Variants in DGCR2 observed in about 807,000 individuals in gnomAD.
DGCR2 encodes the protein DiGeorge syndrome critical region gene 2.
Under a neutral mutation model 51.6 loss-of-function variants are expected in DGCR2, and 24 were observed. The observed-to-expected ratio is 0.47, with a 90% confidence interval of 0.34 to 0.65. DGCR2 has a LOEUF of 0.65. Ranked by LOEUF, DGCR2 falls within the 30% of genes least tolerant of loss-of-function variation. The pLI, the probability that DGCR2 is intolerant of heterozygous loss-of-function variation, is 0.01. For missense variants in DGCR2, 765 were observed against 772.1 expected (o/e 0.99, Z 0.11); for synonymous variants, 340 against 315.4 (o/e 1.08, Z -0.82).
chr22:19,111,730 G>A (rs751416507), intron 1 of DGCR2, among the ~76,000 whole-genome samples: 1 of 152,168 alleles, frequency 6.6e-6, no homozygotes, highest in African/African-American at 2.4e-5. Flanking sequence ...ATCGGATGGA[G>A]AGGAAACACA....
At chr22:19,056,451 T>C in intron 6 of DGCR2, 1 of 541,440 alleles carries the variant, frequency 1.8e-6, no homozygotes, top group South Asian at 2.0e-5. Flanking sequence ...AGCGCCATCC[T>C]GCGAAGCCAG....
At chr22:19,112,196 C>A (rs902057472) in intron 1 of DGCR2, among the ~76,000 whole-genome samples, 1 of 151,518 alleles carries the variant, frequency 6.6e-6, no homozygotes, top group Admixed American at 6.6e-5. Flanking sequence ...TCGCTTGAAC[C>A]CGGGAGGCAG....
chr22:19,089,265 T>C, intron 2 of DGCR2, 103 bp downstream of exon 2: 1 of 1,264,306 alleles, frequency 7.9e-7, no homozygotes. Context: ...AACTTTCCAA[T>C]GTGTTAAGAC....
At chr22:19,084,725 C>CCG (rs1409345687) in intron 2 of DGCR2, among the ~76,000 whole-genome samples, 1 of 143,720 alleles carries the variant, frequency 7.0e-6, no homozygotes, top group African/African-American at 2.6e-5. Flanking sequence ...GGGGGGTCAG[C>CCG]CCCCGCCCGG....
At chr22:19,111,767 C>G (rs2854661) in intron 1 of DGCR2, among the ~76,000 whole-genome samples, 48,202 of 151,714 alleles carry the variant, frequency 0.32, 8,653 homozygotes, top group African/African-American at 0.49. Flanking sequence ...GGAATGAGAC[C>G]CTGTTAAACC....
intron 5 of DGCR2, chr22:19,061,964 C>G (rs938204799): frequency 1.3e-5 from 2 of 152,286 alleles, no homozygotes; most frequent in African/African-American, 4.8e-5. Flanking sequence ...AAAGCCCACC[C>G]AGGACCCTTG....
intron 1 of DGCR2, among the ~76,000 whole-genome samples, chr22:19,119,216 G>A (rs1429579071): frequency 6.6e-6 from 1 of 152,170 alleles, no homozygotes; most frequent in Non-Finnish European, 1.5e-5. Context: ...CACACAGTTG[G>A]AGTGCACAGA....
At chr22:19,075,253 C>T (rs528047261) in intron 2 of DGCR2, among the ~76,000 whole-genome samples, 192 of 152,050 alleles carry the variant, frequency 1.3e-3, no homozygotes, top group African/African-American at 4.3e-3. Context: ...CAGTGAAACC[C>T]CATCTCTACT....
intron 2 of DGCR2, among the ~76,000 whole-genome samples, chr22:19,084,363 C>G (rs1293296797): frequency 6.6e-6 from 1 of 152,066 alleles, no homozygotes; most frequent in Admixed American, 6.5e-5. Context: ...GCACCTCTGC[C>G]CGGCCACGAC....
At chr22:19,062,992 G>T (rs2082700604) in intron 5 of DGCR2, among the ~76,000 whole-genome samples, 1 of 152,136 alleles carries the variant, frequency 6.6e-6, no homozygotes, top group Non-Finnish European at 1.5e-5. Flanking sequence ...GCAACAGAGG[G>T]TTCCAGAGAC....
At chr22:19,119,521 A>C (rs2083408626) in intron 1 of DGCR2, among the ~76,000 whole-genome samples, 1 of 152,164 alleles carries the variant, frequency 6.6e-6, no homozygotes, top group Non-Finnish European at 1.5e-5. Flanking sequence ...GGCTCACCAG[A>C]GGTCAGGAGT....
intron 5 of DGCR2, 151 bp downstream of exon 5, chr22:19,063,051 G>A (rs112644468): frequency 5.9e-5 from 40 of 679,894 alleles, no homozygotes; most frequent in African/African-American, 5.4e-4. Context: ...CTGGCCCCAT[G>A]ACCGCAGCCC....
intron 7 of DGCR2, chr22:19,047,386 A>C (rs1479140777): frequency 1.3e-5 from 2 of 152,216 alleles, no homozygotes; most frequent in African/African-American, 4.8e-5. Context: ...CTCTAGCTGC[A>C]GCCTCTCCTC....
rs936669808 is a variant in DGCR2, at chr22:19,122,401, T to G, written c.-195A>C. On this transcript the variant is annotated 5_prime_UTR_variant, in exon 1 of 10. Transcript: ENST00000263196. ...TGCAACCTCAGGCACCGACTCCAGC[T>G]GCGCGCAAGATGGCGGCCGTCCTGC... The G allele has an allele frequency of 1.9e-5, 8 of 418,854 alleles. No homozygotes were observed. The highest frequency in any genetic ancestry group is 4.0e-5 in the East Asian group (1 of 25,300). The allele number at this position is 418,854 out of a possible 1,614,324, so 25.9% of individuals were successfully genotyped here.
rs1355893800 is a variant in DGCR2 at position 19,042,803 on chromosome 22, G to A, written c.1007-844C>T. On this transcript the variant is annotated intron_variant, in intron 7 of 9. Transcript: ENST00000263196. ...GAACAGTGAGCCCCTGTGGGCAGCCGCACGGTCAACTCAGGTATCATTTCA... is the reference window on the plus strand; with the variant it reads ...GAACAGTGAGCCCCTGTGGGCAGCCACACGGTCAACTCAGGTATCATTTCA... Among the ~76,000 whole-genome samples the A allele has an allele frequency of 2.0e-5, 3 of 152,250 alleles. No homozygotes were observed. In the East Asian group the frequency reaches 5.8e-4, roughly 29 times the overall value.
intron 3 of DGCR2, among the ~76,000 whole-genome samples, chr22:19,067,042 C>T (rs1249530636): frequency 6.6e-6 from 1 of 152,218 alleles, no homozygotes; most frequent in Non-Finnish European, 1.5e-5. Flanking sequence ...TCAGCCGCAC[C>T]AACATGCGTG....
chr22:19,106,401 C>T (rs115519633), intron 1 of DGCR2, among the ~76,000 whole-genome samples: 1,752 of 152,232 alleles, frequency 0.012, 38 homozygotes, highest in African/African-American at 0.04. Context: ...GCAGTTTGAC[C>T]TGCCACTGCG....
In DGCR2 at chr22:19,065,055, T is replaced by A. The variant is rs755108299; in HGVS notation, c.341A>T (p.Lys114Met). 3.1e-6 allele frequency: 5 copies of A among 1,613,776 alleles called. No homozygotes were observed. The highest frequency in any genetic ancestry group is 3.3e-5 in the Admixed American group (2 of 59,990). ...GTAGTGGTGCCACCCTGTCGGGCAC[T>A]TCCCTAGGAAACATAAAGGACAGAA... ...QPVRFSSFLGKCPTGWHHYEG... is the reference protein window; with the variant it reads ...QPVRFSSFLGMCPTGWHHYEG... The change falls in exon 4 of 10, where the codon AAG becomes ATG. Residue 114 changes from lysine to methionine, a missense_variant. This residue lies in a region of DGCR2 where 370 missense variants were observed against 325.5 expected (regional missense o/e 1.14). Transcript: ENST00000263196.
At chr22:19,084,376 C>T (rs536901642) in intron 2 of DGCR2, among the ~76,000 whole-genome samples, 4 of 152,074 alleles carry the variant, frequency 2.6e-5, no homozygotes, top group African/African-American at 9.6e-5. Context: ...GCCACGACCC[C>T]GTCTGGGAGG....
Sources: gnomAD v4.1 joint callset for allele counts (sites outside exome capture counted in the v4.1 genomes callset) on GRCh38, gnomAD v4.1.1 for gene constraint, gnomAD v4.1.1 regional missense constraint, MANE v1.5 for transcripts, NCBI Gene and HGNC (gene_info 2026-07-23, HGNC 2026-07-21) for gene names.